CADPS2: variants seen among roughly 807,000 people sequenced by gnomAD.
CADPS2 encodes calcium-dependent secretion activator 2.
CADPS2 carries 93 observed loss-of-function variants against 172.5 expected under a neutral mutation model. That is an observed-to-expected ratio of 0.54 (90% confidence interval 0.46 to 0.64). The LOEUF is 0.64. Among genes scored for constraint, CADPS2 ranks in the 30% least tolerant of loss-of-function variants. The pLI is 0.00. For synonymous variants in CADPS2, 546 were observed against 555.2 expected (o/e 0.98, Z 0.23); for missense variants, 1,420 against 1,565.9 (o/e 0.91, Z 1.57).
At chr7:122,709,757 G>C (rs1458030718) in intron 2 of CADPS2, among the ~76,000 whole-genome samples, 6 of 152,006 alleles carry the variant, frequency 3.9e-5, no homozygotes, top group Admixed American at 6.6e-5. Flanking sequence ...GTCCTTTGTA[G>C]GGACATGGAT....
chr7:122,621,009 C>T (rs2075544872), intron 5 of CADPS2, among the ~76,000 whole-genome samples: 1 of 152,076 alleles, frequency 6.6e-6, no homozygotes, highest in Admixed American at 6.5e-5. Context: ...TGGGCTCAAG[C>T]AATCCTCCGC....
At chr7:122,854,336 G>A (rs1028680884) in intron 1 of CADPS2, among the ~76,000 whole-genome samples, 7 of 151,982 alleles carry the variant, frequency 4.6e-5, no homozygotes, top group African/African-American at 7.3e-5. Context: ...ATGCCGCTGC[G>A]CTCCAGCCTG....
Position 122,427,975 on chromosome 7 carries a change from A to G in CADPS2, c.2476+10366T>C, listed in dbSNP as rs371304932. On this transcript the variant is annotated intron_variant, in intron 17 of 29. Coordinates refer to ENST00000449022, the MANE Select transcript of CADPS2 (RefSeq NM_017954.11). ...TTCAAAATTTTCTTCATAGAGGTCTATAAAGTTTCGCATGTTTTTATCAAA... is the reference window on the plus strand; with the variant it reads ...TTCAAAATTTTCTTCATAGAGGTCTGTAAAGTTTCGCATGTTTTTATCAAA... 3.9e-5 allele frequency among the ~76,000 whole-genome samples: 6 copies of G among 152,260 alleles called. No individual in the cohort carries two copies. In the East Asian group the frequency reaches 7.7e-4, roughly 20 times the overall value.
chr7:122,687,123 C>A (rs554064976), intron 2 of CADPS2, among the ~76,000 whole-genome samples: 26 of 152,214 alleles, frequency 1.7e-4, no homozygotes, highest in Non-Finnish European at 3.1e-4. Context: ...ACTTTTTACA[C>A]AAGGGAGCTA....
chr7:122,776,335 G>A (rs2139241261), intron 1 of CADPS2, among the ~76,000 whole-genome samples: 1 of 152,216 alleles, frequency 6.6e-6, no homozygotes, highest in South Asian at 2.1e-4. Context: ...CTTCTGCCAT[G>A]ATTGTGAGGG....
chr7:122,562,381 T>C (rs2065885992), intron 7 of CADPS2, among the ~76,000 whole-genome samples: 1 of 152,066 alleles, frequency 6.6e-6, no homozygotes, highest in Non-Finnish European at 1.5e-5. Flanking sequence ...AGCTTCATAA[T>C]TGAAGAGAGA....
At chr7:122,773,125 TGAAAA>T (rs1196763707) in intron 1 of CADPS2, among the ~76,000 whole-genome samples, 1 of 152,004 alleles carries the variant, frequency 6.6e-6, no homozygotes, top group Non-Finnish European at 1.5e-5. Flanking sequence ...GTTCTAGTAA[TGAAAA>T]GAAAGCATAT....
chr7:122,851,255 G>A (rs1364413990), intron 1 of CADPS2, among the ~76,000 whole-genome samples: 3 of 152,162 alleles, frequency 2.0e-5, no homozygotes, highest in East Asian at 1.9e-4. Flanking sequence ...TTGGACTACA[G>A]TGCAGTCCCC....
chr7:122,456,951 T>C (rs372382167), intron 14 of CADPS2, among the ~76,000 whole-genome samples: 1 of 152,240 alleles, frequency 6.6e-6, no homozygotes, highest in East Asian at 1.9e-4. Context: ...AACTCTTTTA[T>C]ATACATTGAA....
At chr7:122,714,757 T>C (rs1564153291) in intron 2 of CADPS2, among the ~76,000 whole-genome samples, 1 of 152,162 alleles carries the variant, frequency 6.6e-6, no homozygotes, top group Non-Finnish European at 1.5e-5. Flanking sequence ...ATTTCAAGTG[T>C]ATTACTTATA....
At chr7:122,833,458 C>T (rs962260959) in intron 1 of CADPS2, among the ~76,000 whole-genome samples, 1 of 152,136 alleles carries the variant, frequency 6.6e-6, no homozygotes, top group Non-Finnish European at 1.5e-5. Context: ...TCGAGCAATT[C>T]TCTTGCCTCA....
chr7:122,483,319 A>C (rs1190474165), intron 11 of CADPS2, among the ~76,000 whole-genome samples: 2 of 152,236 alleles, frequency 1.3e-5, no homozygotes, highest in Non-Finnish European at 2.9e-5. Flanking sequence ...CTCATTGGAA[A>C]AACAAATGCA....
chr7:122,642,574 T>C (rs6970336), intron 3 of CADPS2, among the ~76,000 whole-genome samples: 1,575 of 151,414 alleles, frequency 0.01, 29 homozygotes, highest in African/African-American at 0.036. Context: ...TTACAACTTA[T>C]TATATTGCTC....
intron 3 of CADPS2, among the ~76,000 whole-genome samples, chr7:122,645,875 CTTT>C (rs1275923526): frequency 6.7e-6 from 1 of 150,160 alleles, no homozygotes; most frequent in Non-Finnish European, 1.5e-5. Flanking sequence ...ATGAAATATT[CTTT>C]AGTATTTCAT....
At chr7:122,499,077 A>T (rs2130284592) in intron 9 of CADPS2, among the ~76,000 whole-genome samples, 1 of 152,342 alleles carries the variant, frequency 6.6e-6, no homozygotes, top group Non-Finnish European at 1.5e-5. Flanking sequence ...TTAATAAAAT[A>T]AACTGGGACT....
chr7:122,560,469 A>G (rs10244718), intron 7 of CADPS2, among the ~76,000 whole-genome samples: 1,728 of 152,308 alleles, frequency 0.011, 30 homozygotes, highest in African/African-American at 0.039. Flanking sequence ...AGCTACATAC[A>G]TCTCAGAGAT....
intron 1 of CADPS2, among the ~76,000 whole-genome samples, chr7:122,829,412 C>T (rs1805843520): frequency 6.6e-6 from 1 of 152,106 alleles, no homozygotes; most frequent in Admixed American, 6.6e-5. Flanking sequence ...ATTTAGTTCA[C>T]AAATGTGTTT....
chr7:122,621,856 C>T, intron 4 of CADPS2, 139 bp from the exon 5 acceptor site: 2 of 596,546 alleles, frequency 3.4e-6, no homozygotes, highest in Non-Finnish European at 5.8e-6. Flanking sequence ...AGTCACTAGG[C>T]TGTAAAATCC....
chr7:122,716,047 T>C (rs1468246330), intron 2 of CADPS2, among the ~76,000 whole-genome samples: 2 of 152,164 alleles, frequency 1.3e-5, no homozygotes, highest in East Asian at 3.9e-4. Context: ...TGTGAGGTGA[T>C]AAATATGTTA....
Sources: gnomAD v4.1 joint callset for allele counts (sites outside exome capture counted in the v4.1 genomes callset) on GRCh38, gnomAD v4.1.1 for gene constraint, MANE v1.5 for transcripts, NCBI Gene and HGNC (gene_info 2026-07-23, HGNC 2026-07-21) for gene names.